Variants in COPG2 observed in about 807,000 individuals in gnomAD.
COPG2 encodes the protein coatomer subunit gamma-2.
COPG2 carries 37 observed loss-of-function variants against 46.3 expected under a neutral mutation model. That is an observed-to-expected ratio of 0.80 (90% CI 0.61 to 1.05). The LOEUF (loss-of-function observed/expected upper bound fraction) is 1.05, where lower values mean the gene tolerates loss of function less well. Ranked by LOEUF, COPG2 falls within the 50% of genes least tolerant of loss-of-function variation. The pLI is 0.00. For missense variants in COPG2, 427 were observed against 387.8 expected, an observed-to-expected ratio of 1.10 and a Z score of -0.85; for synonymous variants, 159 against 129.7, an observed-to-expected ratio of 1.23 and a Z score of -1.53.
At chr7:130,513,341 A>ATATGTGTG (rs1215646008) in intron 20 of COPG2, among the ~76,000 whole-genome samples, 1 of 51,554 alleles carries the variant, frequency 1.9e-5, no homozygotes, top group African/African-American at 5.6e-5. Flanking sequence ...ATATATATAT[A>ATATGTGTG]TGTGTGTGTG....
intron 3 of COPG2, among the ~76,000 whole-genome samples, chr7:130,666,278 G>T (rs529519525): frequency 6.6e-6 from 1 of 152,268 alleles, no homozygotes; most frequent in South Asian, 2.1e-4. Context: ...TCTGGAATTT[G>T]CCTGATCTTG....
intron 4 of COPG2, among the ~76,000 whole-genome samples, chr7:130,658,921 C>A (rs1554460246): frequency 6.6e-6 from 1 of 152,086 alleles, no homozygotes; most frequent in Non-Finnish European, 1.5e-5. Context: ...ACCTCATGAT[C>A]TGCCCACCTC....
chr7:130,657,688 A>G (rs1366843830), intron 4 of COPG2, among the ~76,000 whole-genome samples: 2 of 152,218 alleles, frequency 1.3e-5, no homozygotes, highest in East Asian at 1.9e-4. Flanking sequence ...CTCAATAATA[A>G]GAAAATAAAC....
chr7:130,662,294 G>A (rs1347640326), intron 4 of COPG2, among the ~76,000 whole-genome samples: 1 of 152,058 alleles, frequency 6.6e-6, no homozygotes, highest in Admixed American at 6.6e-5. Context: ...AGGTTCTGGG[G>A]GTTGACACAA....
chr7:130,513,647 A>G (rs1799648107), intron 20 of COPG2, among the ~76,000 whole-genome samples: 1 of 152,060 alleles, frequency 6.6e-6, no homozygotes, highest in African/African-American at 2.4e-5. Context: ...ATAGAGTGAA[A>G]GGTCAAGGAG....
intron 9 of COPG2, among the ~76,000 whole-genome samples, chr7:130,588,829 C>T (rs919513316): frequency 3.3e-5 from 5 of 152,078 alleles, no homozygotes; most frequent in African/African-American, 9.7e-5. Context: ...TGGAGACAGT[C>T]CTCTTTGACA....
intron 5 of COPG2, among the ~76,000 whole-genome samples, chr7:130,636,125 A>G (rs1188923265): frequency 6.6e-6 from 1 of 152,140 alleles, no homozygotes; most frequent in Non-Finnish European, 1.5e-5. Context: ...ACTTCCAATT[A>G]TGTGGACAAT....
rs1402176204 is a variant in COPG2, at chr7:130,526,485, G to A, written c.2150-17826C>T. Among the ~76,000 whole-genome samples, 6 of 152,160 alleles carry A rather than the reference G, an allele frequency of 3.9e-5. No homozygotes were observed. The East Asian group carries it at 7.8e-4, about 20-fold the overall frequency. On this transcript the variant is annotated intron_variant, in intron 20 of 23. Coordinates refer to ENST00000425248, the MANE Select transcript of COPG2 (RefSeq NM_012133.6). ...TCAAGAAAGAATGTGGAAGTGGGAC[G>A]ATAAGGCAGCGCAACGGGGGAGTCA...
At chr7:130,638,604 A>G (rs1188787671) in intron 5 of COPG2, among the ~76,000 whole-genome samples, 1 of 152,086 alleles carries the variant, frequency 6.6e-6, no homozygotes, top group Non-Finnish European at 1.5e-5. Flanking sequence ...TCCCAGGTCA[A>G]CTTCAGACTG....
At chr7:130,643,259 C>T (rs187984147) in intron 5 of COPG2, among the ~76,000 whole-genome samples, 214 of 151,478 alleles carry the variant, frequency 1.4e-3, no homozygotes, top group Admixed American at 0.014. Flanking sequence ...CGCGCCACTG[C>T]ACTCCAGCCT....
intron 11 of COPG2, among the ~76,000 whole-genome samples, chr7:130,563,009 C>A (rs1793741478): frequency 6.6e-6 from 1 of 152,090 alleles, no homozygotes; most frequent in Non-Finnish European, 1.5e-5. Flanking sequence ...ATTGAAATAG[C>A]CACTGGTGGC....
At chr7:130,526,775 G>A (rs1799778110) in intron 20 of COPG2, among the ~76,000 whole-genome samples, 3 of 150,782 alleles carry the variant, frequency 2.0e-5, no homozygotes, top group African/African-American at 7.4e-5. Flanking sequence ...TTGTTGCAAA[G>A]GTGTGAATCT....
intron 9 of COPG2, chr7:130,605,096 A>T (rs1794704201): frequency 2.1e-6 from 1 of 470,138 alleles, no homozygotes; most frequent in Non-Finnish European, 4.1e-6. Flanking sequence ...CATATGTGTT[A>T]GGCCACTTGA....
intron 9 of COPG2, among the ~76,000 whole-genome samples, chr7:130,593,754 A>G (rs1325287434): frequency 8.1e-6 from 1 of 123,266 alleles, no homozygotes; most frequent in Non-Finnish European, 1.9e-5. Context: ...CTTATACTAT[A>G]TCCAAAAAAG....
At chr7:130,616,612 C>G (rs2116513630) in intron 6 of COPG2, among the ~76,000 whole-genome samples, 1 of 152,198 alleles carries the variant, frequency 6.6e-6, no homozygotes, top group Non-Finnish European at 1.5e-5. Context: ...GAAAAAAAAT[C>G]TGCTGTTGAA....
At chr7:130,515,344 G>T (rs1205368530) in intron 20 of COPG2, among the ~76,000 whole-genome samples, 5 of 151,414 alleles carry the variant, frequency 3.3e-5, no homozygotes, top group Admixed American at 3.3e-4. Flanking sequence ...GTGGGAGGAG[G>T]TACCACACAC....
At position 130,610,707 on chromosome 7, in the gene COPG2, C is replaced by G. The variant is rs554022142; in HGVS notation, c.737+246G>C. On this transcript the variant is annotated intron_variant, in intron 9 of 23. Transcript: ENST00000425248. ...TTATCTATATATCTTATGATCAATG[C>G]ATATATTTTTTGTTCAATATCAGTT... 121 of 625,932 alleles carry G rather than the reference C, an allele frequency of 1.9e-4. No individual in the cohort carries two copies. In the African/African-American group the frequency reaches 2.2e-3, roughly 11 times the overall value. 38.8% of individuals were successfully genotyped at this position (625,932 alleles called of 1,614,324 possible). A position where few individuals can be genotyped will look rare whatever the true frequency, so the allele number is the denominator to read the frequency against.
At chr7:130,653,024 C>G in intron 4 of COPG2, 76 bp from the exon 5 acceptor site, 2 of 855,192 alleles carry the variant, frequency 2.3e-6, no homozygotes, top group East Asian at 2.7e-5. Flanking sequence ...GTGAGGACCC[C>G]AAGTAGATAT....
chr7:130,506,479 T>TAAA lies in COPG2; in HGVS notation c.*194_*196dup. On this transcript the variant is annotated 3_prime_UTR_variant, in exon 24 of 24. Transcript: ENST00000425248. ...TCGTCCCAAAGCTGACCAAGTAGAA[T>TAAA]AAAAAGAAAAAAAAAAAAAAACAAC... 1 of 344,960 alleles carries TAAA rather than the reference T, an allele frequency of 2.9e-6. No individual in the cohort carries two copies. Among genetic ancestry groups the TAAA allele is most frequent in the South Asian group, 4.3e-5 (1 of 23,084 alleles). The allele number at this position is 344,960 out of a possible 1,614,324, so 21.4% of individuals were successfully genotyped here. A position where few individuals can be genotyped will look rare whatever the true frequency, so the allele number is the denominator to read the frequency against.
Sources: gnomAD v4.1 joint callset for allele counts (sites outside exome capture counted in the v4.1 genomes callset) on GRCh38, gnomAD v4.1.1 for gene constraint, MANE v1.5 for transcripts, NCBI Gene and HGNC (gene_info 2026-07-23, HGNC 2026-07-21) for gene names.